PLEKHG4B: variants seen among roughly 807,000 people sequenced by gnomAD.
The protein encoded by PLEKHG4B is pleckstrin homology domain-containing family G member 4B.
A neutral mutation model predicts 121.3 loss-of-function variants in PLEKHG4B; 111 were observed. The observed-to-expected ratio is 0.92, with a 90% CI of 0.78 to 1.07. The LOEUF (loss-of-function observed/expected upper bound fraction) is 1.07, where lower values mean the gene tolerates loss of function less well. Ranked by LOEUF, PLEKHG4B falls within the 50% of genes least tolerant of loss-of-function variation. PLEKHG4B has a pLI of 0.00. For missense variants in PLEKHG4B, 1,831 were observed against 1,757.8 expected (o/e 1.04, Z -0.74); for synonymous variants, 738 against 725.0 (o/e 1.02, Z -0.29).
Position 140,166 on chromosome 5 carries a change from G to A in PLEKHG4B, c.927G>A (p.Gly309=). 1 of 843,826 alleles carries A rather than the reference G, an allele frequency of 1.2e-6. No homozygotes were observed. Among genetic ancestry groups the A allele is most frequent in the South Asian group, 2.0e-5 (1 of 50,968 alleles). The allele number at this position is 843,826 out of a possible 1,614,324, so 52.3% of individuals were successfully genotyped here. Residue 309 remains glycine, a synonymous_variant, in exon 3 of 20, where the codon GGG becomes GGA. Coordinates refer to ENST00000637938, the MANE Select transcript of PLEKHG4B (RefSeq NM_052909.5). ...CCCCTGAGAACTGTGGGGGGTCGGG[G>A]GAGAGGCCGGACCCCATGGACCAGG... ...RMPPENCGGS[G]ERPDPMDQED... is the part of the protein sequence containing the mutation.
intron 6 of PLEKHG4B, among the ~76,000 whole-genome samples, chr5:145,347 A>AGGG (rs373831927): frequency 0.018 from 2,703 of 152,286 alleles, 79 homozygotes; most frequent in African/African-American, 0.062. Flanking sequence ...AGAGGCAGGA[A>AGGG]GGGGCAGCCA....
intron 1 of PLEKHG4B, among the ~76,000 whole-genome samples, chr5:102,233 A>G (rs1733842884): frequency 6.6e-6 from 1 of 152,094 alleles, no homozygotes; most frequent in African/African-American, 2.4e-5. Context: ...TAATCCATAT[A>G]AAACCCTCTA....
At chr5:103,162 G>A (rs1308725806) in intron 1 of PLEKHG4B, among the ~76,000 whole-genome samples, 1 of 152,210 alleles carries the variant, frequency 6.6e-6, no homozygotes, top group Non-Finnish European at 1.5e-5. Flanking sequence ...GGTGGGGACA[G>A]ACAACACTTG....
At position 143,064 on chromosome 5, in the gene PLEKHG4B, G is replaced by T; in HGVS notation, c.1495G>T (p.Ala499Ser). ...TTGTCCAGACGTTCTTGCATCCTCA[G>T]CCTGTGTCAGCACAGACGGCGGCAG... ...TKEEDVLASS[A>S]CVSTDGGSLH... Residue 499 changes from alanine (A) to serine (S), a missense_variant, in exon 4 of 20, where the codon GCC becomes TCC. Transcript: ENST00000637938. 1 of 1,613,314 alleles carries T rather than the reference G, an allele frequency of 6.2e-7. No individual in the cohort carries two copies. The highest frequency in any genetic ancestry group is 1.1e-5 in the South Asian group (1 of 91,084).
intron 18 of PLEKHG4B, among the ~76,000 whole-genome samples, chr5:176,737 T>G (rs1380036257): frequency 6.6e-6 from 1 of 152,258 alleles, no homozygotes; most frequent in African/African-American, 2.4e-5. Flanking sequence ...TCGGCATTGC[T>G]GGGTTCCTCT....
At chr5:168,406 C>T (rs182348161) in intron 13 of PLEKHG4B, among the ~76,000 whole-genome samples, 14 of 152,326 alleles carry the variant, frequency 9.2e-5, no homozygotes, top group African/African-American at 3.4e-4. Context: ...GAAGCTGCTC[C>T]TTAAGGTGCT....
chr5:180,732 G>A (rs1028336752), intron 18 of PLEKHG4B, among the ~76,000 whole-genome samples: 13 of 152,324 alleles, frequency 8.5e-5, no homozygotes, highest in African/African-American at 2.4e-4. Flanking sequence ...ATAGCCTTCG[G>A]AGTTAGGGGA....
In PLEKHG4B at chr5:184,007, A is replaced by AGATAGATAGAT. The variant is rs1300683495; in HGVS notation, c.*1685_*1695dup. On this transcript the variant is annotated 3_prime_UTR_variant, in exon 20 of 20. Coordinates refer to ENST00000637938, the MANE Select transcript of PLEKHG4B (RefSeq NM_052909.5). ...TAGATAGATCGATAGATAGATAGAT[A>AGATAGATAGAT]GATAGATAGATAGATAGATAGACTG... is the stretch of plus-strand genomic sequence containing the variant. 4.0e-4 allele frequency: 60 copies of AGATAGATAGAT among 150,886 alleles called. No individual in the cohort carries two copies. Among genetic ancestry groups the AGATAGATAGAT allele is most frequent in the African/African-American group, 1.5e-3 (59 of 40,424 alleles). 9.3% of individuals were successfully genotyped at this position (150,886 alleles called of 1,614,324 possible). A position where few individuals can be genotyped will look rare whatever the true frequency, so the allele number is the denominator to read the frequency against.
rs776948882 is a variant in PLEKHG4B at position 155,346 on chromosome 5, G to A, written c.2111G>A (p.Arg704Lys). Residue 704 changes from arginine (R) to lysine (K), a missense_variant and splice_region_variant, in exon 9 of 20, where the codon AGG (arginine) becomes AAG (lysine). Coordinates refer to ENST00000637938, the MANE Select transcript of PLEKHG4B (RefSeq NM_052909.5). Reference protein sequence around the residue: ...SHGDWICFRQRLEHFAANCEE... With the variant: ...SHGDWICFRQKLEHFAANCEE... The stretch of plus-strand genomic sequence containing the variant: ...CTCCTCCCTCTCAACTCACAACAGA[G>A]GCTGGAACACTTCGCTGCAAACTGT... 4 of 1,613,738 alleles carry A rather than the reference G, an allele frequency of 2.5e-6. No individual in the cohort carries two copies. The highest frequency in any genetic ancestry group is 2.2e-5 in the South Asian group (2 of 91,074).
chr5:156,914 C>G lies in PLEKHG4B; in HGVS notation c.2487+3C>G. The G allele has an allele frequency of 6.2e-7, 1 of 1,611,436 alleles. No homozygotes were observed. The highest frequency in any genetic ancestry group is 8.5e-7 in the Non-Finnish European group (1 of 1,179,266). On this transcript the variant is annotated splice_donor_region_variant and intron_variant, in intron 11 of 19. Transcript: ENST00000637938. The surrounding 1 kb of genome is among the most constrained non-coding windows in gnomAD (Gnocchi z 4.4). Reference sequence around the variant, plus strand: ...CACTCCTGGAAGGGAATGACCAGGTCAGAGCTGCAGGAGGAAGGCGGCCCG... The same window carrying G: ...CACTCCTGGAAGGGAATGACCAGGTGAGAGCTGCAGGAGGAAGGCGGCCCG...
In PLEKHG4B at chr5:172,903, T is replaced by C. The variant is rs376303514; in HGVS notation, c.4057T>C (p.Leu1353=). The change falls in exon 17 of 20, where the codon TTG becomes CTG. Residue 1353 remains leucine, a synonymous_variant. Coordinates refer to ENST00000637938, the MANE Select transcript of PLEKHG4B (RefSeq NM_052909.5). The stretch of plus-strand genomic sequence containing the variant: ...CCTGTGTGTTCCTCTGCAGGTGAAT[T>C]TGAAGGAACAGGGGCAGCTGAGATG... ...MDAIRGCDVN[L]KEQGQLRCRD... 9.2e-5 allele frequency: 148 copies of C among 1,614,030 alleles called. No individual in the cohort carries two copies. The highest frequency in any genetic ancestry group is 6.4e-4 in the South Asian group (58 of 91,084).
intron 12 of PLEKHG4B, 90 bp downstream of exon 12, chr5:162,034 G>A: frequency 2.7e-6 from 4 of 1,456,396 alleles, no homozygotes; most frequent in South Asian, 1.4e-5. Flanking sequence ...AGCTGGAGTG[G>A]GCCAGGCTGT....
At position 97,995 on chromosome 5, in the gene PLEKHG4B, A is replaced by G. The variant is rs139293146; in HGVS notation, c.45+5719A>G. On this transcript the variant is annotated intron_variant, in intron 1 of 19. Coordinates refer to ENST00000637938, the MANE Select transcript of PLEKHG4B (RefSeq NM_052909.5). Reference sequence around the variant, plus strand: ...ATTATGGCCATCCTGGTAGGTCTGAACCATTATCTCAGTGTAGTTTTAATT... The same window carrying G: ...ATTATGGCCATCCTGGTAGGTCTGAGCCATTATCTCAGTGTAGTTTTAATT... Among the ~76,000 whole-genome samples, 903 of 152,212 alleles carry G rather than the reference A, an allele frequency of 5.9e-3. 22 individuals carry two copies. The highest frequency in any genetic ancestry group is 0.021 in the African/African-American group (885 of 41,478).
chr5:128,598 C>T (rs1009560446), intron 2 of PLEKHG4B, among the ~76,000 whole-genome samples: 5 of 152,194 alleles, frequency 3.3e-5, no homozygotes, highest in Non-Finnish European at 1.5e-5. Flanking sequence ...GTGGGGCTGC[C>T]AGTGGGGCCA....
At chr5:143,754 A>G (rs1735310605) in intron 5 of PLEKHG4B, among the ~76,000 whole-genome samples, 1 of 152,218 alleles carries the variant, frequency 6.6e-6, no homozygotes, top group African/African-American at 2.4e-5. Context: ...CAGACAGGGC[A>G]CACTCACTCT....
Position 143,104 on chromosome 5 carries a change from A to G in PLEKHG4B, c.1535A>G (p.Asn512Ser), listed in dbSNP as rs201371900. 2.5e-6 allele frequency: 4 copies of G among 1,612,776 alleles called. No homozygotes were observed. The highest frequency in any genetic ancestry group is 2.2e-5 in the East Asian group (1 of 44,866). ...STDGGSLHCH[N>S]PSGPSDVPAR... is the part of the protein sequence containing the mutation. The stretch of plus-strand genomic sequence containing the variant: ...GACGGCGGCAGCCTCCATTGCCACA[A>G]CCCCAGCGGGCCTTCCGATGTGCCT... Residue 512 changes from asparagine to serine, a missense_variant, in exon 4 of 20, where the codon AAC (asparagine) becomes AGC (serine). Physicochemically the swap from Asn to Ser is conservative, Grantham distance 46 (BLOSUM62 1). Coordinates refer to ENST00000637938, the MANE Select transcript of PLEKHG4B (RefSeq NM_052909.5).
chr5:172,741 A>T (rs1736605822), intron 16 of PLEKHG4B, among the ~76,000 whole-genome samples, 156 bp from the exon 17 acceptor site: 1 of 152,156 alleles, frequency 6.6e-6, no homozygotes. Flanking sequence ...GAAACCTTTA[A>T]CAGCTAACAT....
intron 15 of PLEKHG4B, 24 bp downstream of exon 15, chr5:171,156 C>T (rs749712557): frequency 8.7e-6 from 14 of 1,609,152 alleles, no homozygotes; most frequent in Non-Finnish European, 1.1e-5. Context: ...GCCCGCCCCC[C>T]ACAGCCTGCC....
rs529812055 is a variant in PLEKHG4B, at chr5:184,548, C to G, written c.*2225C>G. 6.6e-6 allele frequency: 1 copy of G among 152,336 alleles called. No homozygotes were observed. The highest frequency in any genetic ancestry group is 2.1e-4 in the South Asian group (1 of 4,830). The allele number at this position is 152,336 out of a possible 1,614,324, so 9.4% of individuals were successfully genotyped here. A position where few individuals can be genotyped will look rare whatever the true frequency, so the allele number is the denominator to read the frequency against. ...ACTAAGAGTTTCATCCCCAGCAGAC[C>G]TGCACTACAAGAAATGTTAAATGAT... is the stretch of plus-strand genomic sequence containing the variant. On this transcript the variant is annotated 3_prime_UTR_variant, in exon 20 of 20. Transcript: ENST00000637938.
Sources: gnomAD v4.1 joint callset for allele counts (sites outside exome capture counted in the v4.1 genomes callset) on GRCh38, gnomAD v4.1.1 for gene constraint, Gnocchi (gnomAD v3.1) non-coding constraint, MANE v1.5 for transcripts, NCBI Gene and HGNC (gene_info 2026-07-23, HGNC 2026-07-21) for gene names.